CACNA2D3: variants seen among roughly 807,000 people sequenced by gnomAD.
CACNA2D3 encodes calcium voltage-gated channel auxiliary subunit alpha2delta 3.
CACNA2D3 carries 60 observed loss-of-function variants against 160.6 expected under a neutral mutation model. That is an observed-to-expected ratio of 0.37 (90% CI 0.30 to 0.46). CACNA2D3 has a LOEUF of 0.46. CACNA2D3 is among the 20% of genes least tolerant of loss of function. The probability of loss-of-function intolerance (pLI) is 1.00; values close to 1 mark genes in which losing one functional copy is unlikely to be tolerated. For missense variants in CACNA2D3, 1,205 were observed against 1,365.0 expected (o/e 0.88, Z 1.85); for synonymous variants, 558 against 492.9 (o/e 1.13, Z -1.75).
At chr3:54,675,435 T>C (rs1159621395) in intron 11 of CACNA2D3, among the ~76,000 whole-genome samples, 2 of 152,128 alleles carry the variant, frequency 1.3e-5, no homozygotes, top group African/African-American at 4.8e-5. Context: ...AGGGCTGACC[T>C]GAAGGGCCTG....
chr3:54,377,581 C>G (rs957982063), intron 3 of CACNA2D3, among the ~76,000 whole-genome samples: 5 of 152,198 alleles, frequency 3.3e-5, no homozygotes, highest in Admixed American at 3.3e-4. Context: ...ACCAGATTCA[C>G]ACACTGAGGT....
chr3:54,830,084 C>T (rs1382630482), intron 14 of CACNA2D3, among the ~76,000 whole-genome samples: 1 of 151,666 alleles, frequency 6.6e-6, no homozygotes, highest in Non-Finnish European at 1.5e-5. Flanking sequence ...GCTGGGATTA[C>T]AGGCACCCAT....
chr3:54,286,013 G>T (rs1272699884), intron 2 of CACNA2D3, among the ~76,000 whole-genome samples: 3 of 152,108 alleles, frequency 2.0e-5, no homozygotes, highest in Non-Finnish European at 2.9e-5. Context: ...ACTCTAAAAA[G>T]CAGAGTGCCT....
At chr3:54,458,540 G>GTCTA (rs1227415453) in intron 4 of CACNA2D3, among the ~76,000 whole-genome samples, 1 of 151,258 alleles carries the variant, frequency 6.6e-6, no homozygotes, top group East Asian at 2.0e-4. Context: ...TCTACTGATA[G>GTCTA]TCTAGTAAGG....
At chr3:54,572,891 A>G (rs1277474373) in intron 8 of CACNA2D3, among the ~76,000 whole-genome samples, 1 of 152,246 alleles carries the variant, frequency 6.6e-6, no homozygotes. Flanking sequence ...TGCATTCTTT[A>G]TCAGTCAGGA....
At chr3:54,500,448 T>C (rs1322314670) in intron 4 of CACNA2D3, among the ~76,000 whole-genome samples, 4 of 152,048 alleles carry the variant, frequency 2.6e-5, no homozygotes, top group Non-Finnish European at 5.9e-5. Context: ...AACAGTTTTC[T>C]ATTCACTACC....
At chr3:54,924,860 G>A (rs190128353) in intron 27 of CACNA2D3, 1 of 1,613,956 alleles carries the variant, frequency 6.2e-7, no homozygotes. Context: ...TCAGCTGAGG[G>A]AGGGAATGGA....
intron 5 of CACNA2D3, among the ~76,000 whole-genome samples, chr3:54,550,249 G>C (rs559392080): frequency 6.6e-6 from 1 of 152,094 alleles, no homozygotes; most frequent in Non-Finnish European, 1.5e-5. Flanking sequence ...TGCATCGCCC[G>C]TCCCCTGCAT....
intron 4 of CACNA2D3, among the ~76,000 whole-genome samples, chr3:54,464,663 C>G (rs1237564461): frequency 6.6e-6 from 1 of 152,240 alleles, no homozygotes; most frequent in Non-Finnish European, 1.5e-5. Flanking sequence ...CCCAATTTTC[C>G]AAGTGCCGTC....
chr3:54,353,079 A>G (rs1698592098), intron 3 of CACNA2D3, among the ~76,000 whole-genome samples: 1 of 152,222 alleles, frequency 6.6e-6, no homozygotes, highest in Non-Finnish European at 1.5e-5. Context: ...CTGATGTGCT[A>G]TCAAATAATA....
chr3:54,288,084 G>A (rs1379559463), intron 2 of CACNA2D3, among the ~76,000 whole-genome samples: 1 of 151,950 alleles, frequency 6.6e-6, no homozygotes, highest in African/African-American at 2.4e-5. Flanking sequence ...GAGCAGAACT[G>A]AAGGAAATAG....
At chr3:55,067,550 T>G (rs1180709561) in intron 35 of CACNA2D3, among the ~76,000 whole-genome samples, 1 of 152,226 alleles carries the variant, frequency 6.6e-6, no homozygotes, top group Non-Finnish European at 1.5e-5. Context: ...ATACTTGTTT[T>G]AAGAAGACAT....
Position 54,230,834 on chromosome 3 carries a change from T to C in CACNA2D3, c.205-89608T>C, listed in dbSNP as rs184289120. 2.3e-3 allele frequency among the ~76,000 whole-genome samples: 350 copies of C among 152,370 alleles called. 5 individuals carry two copies. The highest frequency in any genetic ancestry group is 7.8e-3 in the African/African-American group (326 of 41,578). On this transcript the variant is annotated intron_variant, in intron 2 of 37. Coordinates refer to ENST00000474759, the MANE Select transcript of CACNA2D3 (RefSeq NM_018398.3). Reference sequence around the variant, plus strand: ...GAATTACAAATGCTAATTTGTTAAATTGAGCTGTAAACATTTTCTTTGCTG... The same window carrying C: ...GAATTACAAATGCTAATTTGTTAAACTGAGCTGTAAACATTTTCTTTGCTG...
At chr3:54,793,342 C>T (rs1365615299) in intron 13 of CACNA2D3, among the ~76,000 whole-genome samples, 1 of 152,226 alleles carries the variant, frequency 6.6e-6, no homozygotes, top group African/African-American at 2.4e-5. Flanking sequence ...CTCTGTGCAA[C>T]TGTTTGGCAA....
At chr3:54,303,762 T>C (rs1703530227) in intron 2 of CACNA2D3, among the ~76,000 whole-genome samples, 1 of 151,894 alleles carries the variant, frequency 6.6e-6, no homozygotes, top group African/African-American at 2.4e-5. Flanking sequence ...TCTTGATCGA[T>C]TAGAAGATGG....
chr3:54,628,374 A>G (rs1044815310), intron 10 of CACNA2D3, among the ~76,000 whole-genome samples: 2 of 152,216 alleles, frequency 1.3e-5, no homozygotes, highest in African/African-American at 4.8e-5. Context: ...ACCAGAGCAC[A>G]GTGGGGAAGA....
At chr3:54,853,684 CACAG>C (rs1414819168) in intron 17 of CACNA2D3, among the ~76,000 whole-genome samples, 1 of 152,180 alleles carries the variant, frequency 6.6e-6, no homozygotes, top group Non-Finnish European at 1.5e-5. Flanking sequence ...ACTATGGGCT[CACAG>C]ACAAAGTCTC....
intron 2 of CACNA2D3, among the ~76,000 whole-genome samples, chr3:54,249,698 C>CAT (rs1559895839): frequency 6.7e-6 from 1 of 149,732 alleles, no homozygotes; most frequent in African/African-American, 2.5e-5. Context: ...CACACACACA[C>CAT]CCCTCATCCT....
At chr3:54,186,073 C>A (rs888611025) in intron 2 of CACNA2D3, among the ~76,000 whole-genome samples, 1 of 152,204 alleles carries the variant, frequency 6.6e-6, no homozygotes, top group African/African-American at 2.4e-5. Flanking sequence ...CCAGTCCTGG[C>A]ACCAACTTTG....
Sources: allele counts gnomAD v4.1 joint callset (sites outside exome capture counted in the v4.1 genomes callset), GRCh38; gene constraint gnomAD v4.1.1; transcripts MANE v1.5; gene names NCBI Gene and HGNC (gene_info 2026-07-23, HGNC 2026-07-21).